The following ADAM28 variants were observed in gnomAD, a reference collection of about 807,000 sequenced individuals.
ADAM28 encodes disintegrin and metalloproteinase domain-containing protein 28.
In ADAM28, 105 loss-of-function variants were observed where a neutral mutation model predicts 101.2. The observed-to-expected ratio is 1.04, with a 90% CI of 0.89 to 1.22. The LOEUF is 1.22. Ranked by LOEUF, ADAM28 falls within the 50% of genes most tolerant of loss-of-function variation. The pLI, the probability that ADAM28 is intolerant of heterozygous loss-of-function variation, is 0.00. For missense variants in ADAM28, 1,028 were observed against 945.4 expected (o/e 1.09, Z -1.15); for synonymous variants, 322 against 310.6 (o/e 1.04, Z -0.39).
intron 6 of ADAM28, among the ~76,000 whole-genome samples, chr8:24,319,738 G>C (rs900845517): frequency 6.6e-6 from 1 of 151,592 alleles, no homozygotes; most frequent in Admixed American, 6.6e-5. Context: ...ATGGGAAGGA[G>C]ATTCAACTCT....
rs1254318236 is a variant in ADAM28, at chr8:24,356,828, T to C, written c.*2424T>C. On this transcript the variant is annotated 3_prime_UTR_variant, in exon 23 of 23. Transcript: ENST00000265769. ...AGTTACTCTAAGATACCTTAGTGTT[T>C]GTCTACTTATTACAACTCACCAAAT... The C allele has an allele frequency of 2.0e-5, 3 of 152,222 alleles. No individual in the cohort carries two copies. Among genetic ancestry groups the C allele is most frequent in the Non-Finnish European group, 4.4e-5 (3 of 68,028 alleles). The allele number at this position is 152,222 out of a possible 1,614,324, so 9.4% of individuals were successfully genotyped here.
At chr8:24,303,153 C>A (rs1015815771) in intron 2 of ADAM28, among the ~76,000 whole-genome samples, 1 of 151,970 alleles carries the variant, frequency 6.6e-6, no homozygotes, top group Non-Finnish European at 1.5e-5. Context: ...TTTATTAGAT[C>A]CCGTTTGTCA....
intron 11 of ADAM28, 151 bp downstream of exon 11, chr8:24,330,266 A>G (rs1813199969): frequency 4.7e-6 from 4 of 857,066 alleles, no homozygotes; most frequent in Non-Finnish European, 6.9e-6. Context: ...TATGGGTAAT[A>G]TTTTTTAATA....
Position 24,321,216 on chromosome 8 carries a change from A to G in ADAM28, c.649-2A>G. ...CATATTCTTTCTTAATTTTTCTTTT[A>G]GTTTAAAAGGTACAATGAGAATCAA... On this transcript the variant is annotated splice_acceptor_variant, in intron 7 of 22. Transcript: ENST00000265769. LOFTEE classifies it high-confidence loss of function. The G allele has an allele frequency of 6.3e-7, 1 of 1,589,850 alleles. No individual in the cohort carries two copies. The highest frequency in any genetic ancestry group is 8.6e-7 in the Non-Finnish European group (1 of 1,159,430).
chr8:24,299,062 G>A (rs561792612), intron 1 of ADAM28, among the ~76,000 whole-genome samples: 1 of 151,942 alleles, frequency 6.6e-6, no homozygotes, highest in South Asian at 2.1e-4. Flanking sequence ...GCATGGTGGT[G>A]CACACCTGCA....
intron 14 of ADAM28, chr8:24,336,141 G>A: frequency 3.0e-6 from 3 of 985,580 alleles, no homozygotes; most frequent in Non-Finnish European, 3.6e-6. Flanking sequence ...AATGCAGAAA[G>A]CCAATAAAGA....
At chr8:24,348,785 G>T (rs1255295154) in intron 18 of ADAM28, among the ~76,000 whole-genome samples, 1 of 152,066 alleles carries the variant, frequency 6.6e-6, no homozygotes, top group Non-Finnish European at 1.5e-5. Flanking sequence ...CCCAATTTTA[G>T]CTCCAGACCA....
intron 20 of ADAM28, chr8:24,351,546 T>C: frequency 1.8e-6 from 1 of 569,158 alleles, no homozygotes; most frequent in Non-Finnish European, 3.2e-6. Context: ...ACATACCGGA[T>C]GTCTGTCTGT....
At chr8:24,350,101 G>A (rs28707528) in intron 19 of ADAM28, 129 bp downstream of exon 19, 26,185 of 728,734 alleles carry the variant, frequency 0.036, 866 homozygotes, top group East Asian at 0.12. Context: ...ACATGCAGAT[G>A]GTCTTTTTGG....
At chr8:24,344,701 T>C (rs551253456) in intron 18 of ADAM28, among the ~76,000 whole-genome samples, 1 of 151,372 alleles carries the variant, frequency 6.6e-6, no homozygotes, top group East Asian at 1.9e-4. Flanking sequence ...ATGAACATAA[T>C]CAACTGTTTT....
Position 24,332,694 on chromosome 8 carries a change from G to A in ADAM28, c.1316G>A (p.Cys439Tyr). 6.5e-7 allele frequency: 1 copy of A among 1,527,148 alleles called. No homozygotes were observed. The highest frequency in any genetic ancestry group is 2.3e-5 in the East Asian group (1 of 42,810). The allele number at this position is 1,527,148 out of a possible 1,614,324, so 94.6% of individuals were successfully genotyped here. The change falls in exon 13 of 23, where the codon TGT (cysteine) becomes TAT (tyrosine). Residue 439 changes from cysteine to tyrosine, a missense_variant. Coordinates refer to ENST00000265769, the MANE Select transcript of ADAM28 (RefSeq NM_014265.6). ...CTNICCDAKT[C>Y]KIKATFQCAL... ...AATATTTGCTGTGATGCTAAGACAT[G>A]TAAAATCAAAGCAACTTTTCAATGT...
chr8:24,347,512 T>A (rs1361285976), intron 18 of ADAM28, among the ~76,000 whole-genome samples: 5 of 152,128 alleles, frequency 3.3e-5, no homozygotes, highest in African/African-American at 1.2e-4. Flanking sequence ...ACGTGTTCTG[T>A]AGTATTCTCC....
chr8:24,320,002 C>A (rs1811657767), intron 6 of ADAM28, among the ~76,000 whole-genome samples: 1 of 151,888 alleles, frequency 6.6e-6, no homozygotes, highest in Admixed American at 6.6e-5. Flanking sequence ...ATAATTTAGA[C>A]CCCTTGATAA....
chr8:24,298,606 A>G (rs567083603), intron 1 of ADAM28, among the ~76,000 whole-genome samples: 1 of 152,156 alleles, frequency 6.6e-6, no homozygotes, highest in Non-Finnish European at 1.5e-5. Context: ...GTATCTCACC[A>G]TAGAACTTAA....
At chr8:24,302,842 C>T (rs1453100136) in intron 2 of ADAM28, among the ~76,000 whole-genome samples, 1 of 151,878 alleles carries the variant, frequency 6.6e-6, no homozygotes, top group Non-Finnish European at 1.5e-5. Context: ...CATATATATA[C>T]ATGTGCCATG....
intron 16 of ADAM28, 127 bp downstream of exon 16, chr8:24,341,884 A>T (rs1814811709): frequency 1.8e-6 from 2 of 1,120,736 alleles, no homozygotes; most frequent in Non-Finnish European, 2.6e-6. Context: ...GCCTTAATAG[A>T]ACCCACAGAG....
chr8:24,346,058 A>G (rs1020903592), intron 18 of ADAM28, among the ~76,000 whole-genome samples: 1 of 152,090 alleles, frequency 6.6e-6, no homozygotes, highest in Admixed American at 6.6e-5. Flanking sequence ...AACATTTCCT[A>G]GTTCAGAAGT....
rs140230051 is a variant in ADAM28 at position 24,303,063 on chromosome 8, T to C, written c.150+2986T>C. Among the ~76,000 whole-genome samples the C allele has an allele frequency of 2.6e-5, 4 of 152,236 alleles. No individual in the cohort carries two copies. The East Asian group carries it at 7.7e-4, about 29-fold the overall frequency. ...ATTTGACCTTTGTCAGATCAATAGA[T>C]TGTAAAAATTTTCTCTCATTCTGTA... is the stretch of plus-strand genomic sequence containing the variant. On this transcript the variant is annotated intron_variant, in intron 2 of 22. Coordinates refer to ENST00000265769, the MANE Select transcript of ADAM28 (RefSeq NM_014265.6).
At chr8:24,315,283 C>T (rs1041751812) in intron 6 of ADAM28, among the ~76,000 whole-genome samples, 2 of 151,388 alleles carry the variant, frequency 1.3e-5, no homozygotes, top group Admixed American at 6.6e-5. Context: ...CTTAGGCAGA[C>T]TAAGAGGAAA....
Sources: allele counts gnomAD v4.1 joint callset (sites outside exome capture counted in the v4.1 genomes callset), GRCh38; gene constraint gnomAD v4.1.1; transcripts MANE v1.5; gene names NCBI Gene and HGNC (gene_info 2026-07-23, HGNC 2026-07-21).